The following DICER1 variants were observed in gnomAD, a reference collection of about 807,000 sequenced individuals.
DICER1 encodes endoribonuclease Dicer.
A neutral mutation model predicts 194.1 loss-of-function variants in DICER1; 43 were observed. The observed-to-expected ratio is 0.22, with a 90% CI of 0.17 to 0.29. The LOEUF (loss-of-function observed/expected upper bound fraction) is 0.29. Among genes scored for constraint, DICER1 ranks in the 10% least tolerant of loss-of-function variants. The probability of loss-of-function intolerance (pLI) is 1.00; values close to 1 mark genes in which losing one functional copy is unlikely to be tolerated. For missense variants in DICER1, 1,608 were observed against 2,317.0 expected (o/e 0.69, Z 6.28); for synonymous variants, 832 against 820.5 (o/e 1.01, Z -0.24).
chr14:95,112,282 A>C (rs750743961), intron 12 of DICER1, 35 bp from the exon 13 acceptor site: 5 of 1,550,240 alleles, frequency 3.2e-6, no homozygotes, highest in Non-Finnish European at 8.9e-7. Context: ...TTATATATGC[A>C]CATCGCTGTA....
At chr14:95,101,749 A>G (rs1890896243) in intron 21 of DICER1, among the ~76,000 whole-genome samples, 1 of 152,196 alleles carries the variant, frequency 6.6e-6, no homozygotes, top group East Asian at 1.9e-4. Context: ...GTGACCTGAC[A>G]GGAGCCCATT....
At chr14:95,129,698 G>A (rs957601613) in intron 5 of DICER1, 66 bp from the exon 6 acceptor site, 8 of 1,438,674 alleles carry the variant, frequency 5.6e-6, no homozygotes, top group South Asian at 4.6e-5. Context: ...GAGAGACATC[G>A]CCATATTAAA....
In DICER1 at chr14:95,095,933, T is replaced by C. The variant is rs1555367530; in HGVS notation, c.4987A>G (p.Ile1663Val). 6.2e-7 allele frequency: 1 copy of C among 1,614,226 alleles called. No homozygotes were observed. Among genetic ancestry groups the C allele is most frequent in the Non-Finnish European group, 8.5e-7 (1 of 1,180,040 alleles). ...PDADKTLNHL[I>V]SGFENFEKKI... ...TTTTCAAAATTTTCAAACCCCGATA[T>C]AAGGTGATTCAGTGTTTTATCTGCA... The change falls in exon 23 of 27, where the codon ATA (isoleucine) becomes GTA (valine). Residue 1663 changes from isoleucine to valine, a missense_variant. This residue lies in a region of DICER1 where 125 missense variants were observed against 134.9 expected (regional missense o/e 0.93). Coordinates refer to ENST00000343455, the MANE Select transcript of DICER1 (RefSeq NM_177438.3).
intron 16 of DICER1, 33 bp downstream of exon 16, chr14:95,107,847 T>C (rs763430758): frequency 6.2e-7 from 1 of 1,608,226 alleles, no homozygotes; most frequent in South Asian, 1.1e-5. Context: ...TATATGTGTC[T>C]AGAGTTATCA....
rs1595391350 is a variant in DICER1, at chr14:95,111,413, A to C, written c.2160T>G (p.Val720=). The C allele has an allele frequency of 1.9e-6, 3 of 1,614,116 alleles. No individual in the cohort carries two copies. The highest frequency in any genetic ancestry group is 4.5e-5 in the East Asian group (2 of 44,882). Residue 720 remains valine (V), a synonymous_variant, in exon 14 of 27, where the codon GTT becomes GTG. Coordinates refer to ENST00000343455, the MANE Select transcript of DICER1 (RefSeq NM_177438.3). ...DHLMPVGKET[V]KYEEELDLHD... is the part of the protein sequence containing the mutation. Reference sequence around the variant, plus strand: ...GCAAATCAAGCTCCTCTTCATATTTAACAGTCTCTTTCCCAACTGGCATCA... The same window carrying C: ...GCAAATCAAGCTCCTCTTCATATTTCACAGTCTCTTTCCCAACTGGCATCA...
chr14:95,143,389 T>C (rs1894940530), intron 1 of DICER1, among the ~76,000 whole-genome samples: 1 of 152,156 alleles, frequency 6.6e-6, no homozygotes, highest in South Asian at 2.1e-4. Context: ...CTTTTCCAGA[T>C]TTTATTTCTC....
rs1182299033 is a variant in DICER1, at chr14:95,107,997, A to T, written c.2533T>A (p.Leu845Met). Reference sequence around the variant, plus strand: ...ATATACTGGTGAAGTCTTGTAATCAACTCAAGCATTTGTAGAGACAACATG... The same window carrying T: ...ATATACTGGTGAAGTCTTGTAATCATCTCAAGCATTTGTAGAGACAACATG... ...GFMLSLQMLE[L>M]ITRLHQYIFS... The change falls in exon 16 of 27, where the codon TTG (leucine) becomes ATG (methionine). Residue 845 changes from leucine (L) to methionine (M), a missense_variant. Around this residue, in one of 10 missense-constraint regions of DICER1, gnomAD observed 150 missense variants for 216.0 expected, o/e 0.69. Coordinates refer to ENST00000343455, the MANE Select transcript of DICER1 (RefSeq NM_177438.3). The T allele has an allele frequency of 6.2e-7, 1 of 1,613,390 alleles. No homozygotes were observed. Among genetic ancestry groups the T allele is most frequent in the African/African-American group, 1.3e-5 (1 of 74,918 alleles).
rs750457254 is a variant in DICER1, at chr14:95,103,715, G to T, written c.3681C>A (p.Asn1227Lys). Residue 1227 changes from asparagine to lysine, a missense_variant, in exon 21 of 27, where the codon AAC (asparagine) becomes AAA (lysine). Coordinates refer to ENST00000343455, the MANE Select transcript of DICER1 (RefSeq NM_177438.3). Reference protein sequence around the residue: ...YSIQNLYSYENQPQPSDECTL... With the variant: ...YSIQNLYSYEKQPQPSDECTL... ...TACATTCATCGCTGGGCTGGGGCTG[G>T]TTCTCGTAACTGTATAAATTCTGAA... The T allele has an allele frequency of 8.7e-6, 14 of 1,614,096 alleles. No homozygotes were observed. The highest frequency in any genetic ancestry group is 1.1e-5 in the Non-Finnish European group (13 of 1,180,042).
Position 95,126,670 on chromosome 14 carries a change from C to T in DICER1, c.813G>A (p.Leu271=), listed in dbSNP as rs1893488426. The change falls in exon 7 of 27, where the codon CTG becomes CTA. Residue 271 remains leucine, a synonymous_variant. Transcript: ENST00000343455. The part of the protein sequence containing the change: ...TDRSGLYERL[L]MELEEALNFI... ...AATTAAGTGCTTCTTCTAATTCCAT[C>T]AGCAGTCTTTCATAAAGCCCACTTC... is the stretch of plus-strand genomic sequence containing the variant. 6.3e-7 allele frequency: 1 copy of T among 1,595,366 alleles called. No homozygotes were observed. Among genetic ancestry groups the T allele is most frequent in the South Asian group, 1.1e-5 (1 of 90,686 alleles).
rs142780931 is a variant in DICER1 at position 95,157,454 on chromosome 14, C to T, written c.-270G>A. 5,065 of 152,604 alleles carry T rather than the reference C, an allele frequency of 0.033. 308 individuals are homozygous for T. The highest frequency in any genetic ancestry group is 0.12 in the African/African-American group (4,831 of 41,528). The allele number at this position is 152,604 out of a possible 1,614,324, so 9.5% of individuals were successfully genotyped here. ...CCCCTCCCGCCGGCGCCTGCGGAGA[C>T]TGCGCAGCGCCCGGCTGGCCGGCAG... On this transcript the variant is annotated 5_prime_UTR_variant, in exon 1 of 27. Transcript: ENST00000343455.
chr14:95,130,874 T>A (rs1039113827), intron 4 of DICER1, among the ~76,000 whole-genome samples: 1 of 152,222 alleles, frequency 6.6e-6, no homozygotes, highest in East Asian at 1.9e-4. Context: ...ATTTTTCCAG[T>A]TTCAAGACAT....
chr14:95,139,181 C>G (rs1425901690), intron 1 of DICER1, among the ~76,000 whole-genome samples: 1 of 152,138 alleles, frequency 6.6e-6, no homozygotes, highest in Non-Finnish European at 1.5e-5. Context: ...GTGATCCTAG[C>G]AGTTATACTA....
intron 4 of DICER1, among the ~76,000 whole-genome samples, chr14:95,131,260 G>A (rs1366696427): frequency 1.3e-5 from 2 of 152,022 alleles, no homozygotes; most frequent in Admixed American, 6.6e-5. Flanking sequence ...CCTGACCTCA[G>A]GTGATCCACC....
chr14:95,095,469 TA>T lies in DICER1; in HGVS notation c.5095+355del, dbSNP rs1169396320. 1.3e-5 allele frequency: 4 copies of T among 307,054 alleles called. No homozygotes were observed. In the East Asian group the frequency reaches 3.1e-4, roughly 24 times the overall value. The allele number at this position is 307,054 out of a possible 1,614,324, so 19.0% of individuals were successfully genotyped here. On this transcript the variant is annotated intron_variant, in intron 23 of 26. Transcript: ENST00000343455. ...TGGAAATACATCCAGAATATACAAC[TA>T]AATCAAAAACCAAAAGCAGCACTGA... is the stretch of plus-strand genomic sequence containing the variant.
In DICER1 at chr14:95,124,099, A is replaced by T; in HGVS notation, c.1376+97T>A. The stretch of plus-strand genomic sequence containing the variant: ...GCGCCAAGTCAAGGACACTTACATA[A>T]CCCTCATGCTAGCTCTTACAGCTGC... On this transcript the variant is annotated intron_variant, in intron 8 of 26. Transcript: ENST00000343455. The surrounding 1 kb of genome is among the most constrained non-coding windows in gnomAD (Gnocchi z 4.5). 1.1e-6 allele frequency: 1 copy of T among 869,980 alleles called. No individual in the cohort carries two copies. Among genetic ancestry groups the T allele is most frequent in the Non-Finnish European group, 1.9e-6 (1 of 531,556 alleles). 53.9% of individuals were successfully genotyped at this position (869,980 alleles called of 1,614,324 possible). A position where few individuals can be genotyped will look rare whatever the true frequency, so the allele number is the denominator to read the frequency against.
At position 95,129,317 on chromosome 14, in the gene DICER1, T is replaced by C. The variant is rs11620843; in HGVS notation, c.734+155A>G. ...GTTAGATTCTTGAACTCACAGGTAA[T>C]GGTACTTATAGAGAATTCTTACTCT... On this transcript the variant is annotated intron_variant, in intron 6 of 26. Transcript: ENST00000343455. 0.34 allele frequency: 223,843 copies of C among 660,032 alleles called. 43,119 individuals carry two copies. The highest frequency in any genetic ancestry group is 0.7 in the African/African-American group (38,965 of 55,322). 40.9% of individuals were successfully genotyped at this position (660,032 alleles called of 1,614,324 possible).
In DICER1 at chr14:95,103,781, G is replaced by A. The variant is rs1193435017; in HGVS notation, c.3615C>T (p.Tyr1205=). The A allele has an allele frequency of 2.5e-6, 4 of 1,614,150 alleles. No individual in the cohort carries two copies. The highest frequency in any genetic ancestry group is 3.4e-6 in the Non-Finnish European group (4 of 1,180,008). The stretch of plus-strand genomic sequence containing the variant: ...TTGGTTGCACGGGTATTTCCTGCTT[G>A]TAGTAATTTAGCTGATTTCCTTGGC... ...DFCQGNQLNY[Y]KQEIPVQPTT... Residue 1205 remains tyrosine, a synonymous_variant, in exon 21 of 27, where the codon TAC becomes TAT. Transcript: ENST00000343455.
intron 6 of DICER1, 110 bp downstream of exon 6, chr14:95,129,362 C>G: frequency 2.0e-6 from 2 of 997,492 alleles, no homozygotes; most frequent in Non-Finnish European, 3.1e-6. Context: ...CTTTTTACTG[C>G]CATTTGTTCA....
rs748819990 is a variant in DICER1 at position 95,133,330 on chromosome 14, C to A, written c.129G>T (p.Thr43=). 6.2e-7 allele frequency: 1 copy of A among 1,613,882 alleles called. No homozygotes were observed. The highest frequency in any genetic ancestry group is 8.5e-7 in the Non-Finnish European group (1 of 1,180,004). ...GCATTAGTACCTGATATTTTCTTGGCGTATAAATGTTATCATGAATTGCTT... is the reference window on the plus strand; with the variant it reads ...GCATTAGTACCTGATATTTTCTTGGAGTATAAATGTTATCATGAATTGCTT... The part of the protein sequence containing the change: ...QQEAIHDNIY[T]PRKYQVELLE... Residue 43 remains threonine (T), a synonymous_variant, in exon 2 of 27, where the codon ACG becomes ACT. Transcript: ENST00000343455.
Sources: allele counts gnomAD v4.1 joint callset (sites outside exome capture counted in the v4.1 genomes callset), GRCh38; gene constraint gnomAD v4.1.1; regional missense constraint gnomAD v4.1.1; non-coding constraint Gnocchi (gnomAD v3.1); transcripts MANE v1.5; gene names NCBI Gene and HGNC (gene_info 2026-07-23, HGNC 2026-07-21).